Variants in LCORL observed in about 807,000 individuals in gnomAD.
The protein encoded by LCORL is ligand dependent nuclear receptor corepressor like.
In LCORL, 41 loss-of-function variants were observed where a neutral mutation model predicts 141.8. The observed-to-expected ratio is 0.29, with a 90% CI of 0.23 to 0.38. The LOEUF (loss-of-function observed/expected upper bound fraction) is 0.38, where lower values mean the gene tolerates loss of function less well. Among genes scored for constraint, LCORL ranks in the 10% least tolerant of loss-of-function variants. The probability of loss-of-function intolerance (pLI) is 1.00; values close to 1 mark genes in which losing one functional copy is unlikely to be tolerated. For synonymous variants in LCORL, 618 were observed against 694.1 expected (o/e 0.89, Z 1.72); for missense variants, 1,759 against 2,035.0 (o/e 0.86, Z 2.61).
chr4:17,897,619 A>T (rs1315902826), intron 5 of LCORL, among the ~76,000 whole-genome samples: 1 of 152,074 alleles, frequency 6.6e-6, no homozygotes, highest in Non-Finnish European at 1.5e-5. Context: ...ACTCTGGGGG[A>T]CACTTTCAGT....
intron 1 of LCORL, among the ~76,000 whole-genome samples, chr4:18,015,847 G>A (rs567757021): frequency 6.6e-5 from 10 of 150,664 alleles, no homozygotes; most frequent in Admixed American, 1.3e-4. Context: ...GCAACTTCAA[G>A]ATGATCTAGT....
intron 4 of LCORL, among the ~76,000 whole-genome samples, chr4:17,948,942 G>C (rs924533725): frequency 1.3e-5 from 2 of 151,912 alleles, no homozygotes; most frequent in East Asian, 3.9e-4. Context: ...AATACTGTAG[G>C]GTCTAAGCAG....
rs1300868828 is a variant in LCORL, at chr4:18,021,668, C to T, written c.84G>A (p.Arg28=). ...GGAATCCTCTTCTCTCCGCCGCGCA[C>T]CGAGGGCTCCGGCACTGAGCGGCGG... Residue 28 remains arginine (R), a synonymous_variant, in exon 1 of 8, where the codon CGG becomes CGA. Transcript: ENST00000635767. This position sits in a 1 kb window ranked among gnomAD's most constrained non-coding sequence, Gnocchi z 5.5. The T allele has an allele frequency of 1.7e-5, 26 of 1,545,326 alleles. No individual in the cohort carries two copies. The Admixed American group carries it at 4.7e-4, about 28-fold the overall frequency.
At chr4:17,957,309 T>C (rs1330234475) in intron 4 of LCORL, among the ~76,000 whole-genome samples, 1 of 152,020 alleles carries the variant, frequency 6.6e-6, no homozygotes, top group Non-Finnish European at 1.5e-5. Flanking sequence ...AGTTGCCTCC[T>C]TATGTTACAT....
At chr4:17,845,755 A>G in exon 8 of LCORL, 1 of 1,612,616 alleles carries the variant, frequency 6.2e-7, no homozygotes, top group Non-Finnish European at 8.5e-7. Flanking sequence ...TTGGTTATGA[A>G]CTGTACAGCT....
intron 1 of LCORL, among the ~76,000 whole-genome samples, chr4:18,003,150 C>T (rs1226810008): frequency 2.6e-5 from 4 of 152,056 alleles, no homozygotes; most frequent in East Asian, 3.8e-4. Flanking sequence ...GTGCTTTTGT[C>T]GTTGGTGCAG....
intron 1 of LCORL, among the ~76,000 whole-genome samples, chr4:17,991,225 T>C (rs1057100535): frequency 6.6e-6 from 1 of 152,234 alleles, no homozygotes; most frequent in African/African-American, 2.4e-5. Flanking sequence ...GTTTCAATTC[T>C]TCCCAAATAC....
intron 1 of LCORL, among the ~76,000 whole-genome samples, chr4:17,980,512 A>G (rs770184254): frequency 7.2e-5 from 11 of 152,218 alleles, no homozygotes; most frequent in Non-Finnish European, 1.5e-4. Context: ...GAAAACACAA[A>G]TACGTGGTAC....
chr4:17,892,197 ATTTTTTTTTTTCTTTTTT>A, intron 5 of LCORL, among the ~76,000 whole-genome samples: 1 of 119,720 alleles, frequency 8.4e-6, no homozygotes, highest in East Asian at 2.4e-4. Flanking sequence ...GTCAAATAGT[ATTTTTTTTTTTCTTTTTT>A]TTTTTTTTTT....
intron 4 of LCORL, among the ~76,000 whole-genome samples, chr4:17,927,109 C>G (rs955911949): frequency 6.6e-6 from 1 of 152,212 alleles, no homozygotes; most frequent in Non-Finnish European, 1.5e-5. Flanking sequence ...TTCTGGATAG[C>G]CTGCTGCAGC....
chr4:17,852,282 AG>A (rs1723828424), intron 7 of LCORL, among the ~76,000 whole-genome samples: 1 of 152,072 alleles, frequency 6.6e-6, no homozygotes, highest in South Asian at 2.1e-4. Context: ...GGTACTCTTG[AG>A]AGTAGAGTTG....
intron 7 of LCORL, among the ~76,000 whole-genome samples, chr4:17,858,293 T>C (rs1724590176): frequency 6.8e-6 from 1 of 147,828 alleles, no homozygotes; most frequent in Non-Finnish European, 1.5e-5. Context: ...AACACAGAAA[T>C]AGTAATATGC....
intron 4 of LCORL, chr4:17,960,146 G>A (rs1713489054): frequency 6.5e-6 from 1 of 154,024 alleles, no homozygotes; most frequent in Non-Finnish European, 1.5e-5. Context: ...AATTAACAAA[G>A]GCCTAAAATA....
At position 17,922,973 on chromosome 4, in the gene LCORL, C is replaced by A. The variant is rs141312490; in HGVS notation, c.431-13628G>T. ...GCCTGAGGCAAAAGTGATGGCCCCC[C>A]CAAGGCAGCTTCCAGGAAAGACAGT... On this transcript the variant is annotated intron_variant, in intron 4 of 7. Coordinates refer to ENST00000635767, the Ensembl canonical transcript of LCORL. Among the ~76,000 whole-genome samples the A allele has an allele frequency of 2.9e-3, 448 of 152,280 alleles. 3 individuals carry two copies. The highest frequency in any genetic ancestry group is 0.01 in the African/African-American group (426 of 41,570).
chr4:17,972,067 A>C (rs1716060718), intron 2 of LCORL, among the ~76,000 whole-genome samples: 1 of 151,926 alleles, frequency 6.6e-6, no homozygotes, highest in East Asian at 1.9e-4. Flanking sequence ...ATAGCAAAAA[A>C]GGCTCTATTT....
At chr4:17,940,174 A>G (rs1451098399) in intron 4 of LCORL, among the ~76,000 whole-genome samples, 12 of 31,134 alleles carry the variant, frequency 3.9e-4, no homozygotes, top group East Asian at 9.2e-4. Context: ...GTATACATGT[A>G]TATATATATA....
chr4:17,939,944 T>G (rs1737569427), intron 4 of LCORL, among the ~76,000 whole-genome samples: 1 of 150,152 alleles, frequency 6.7e-6, no homozygotes, highest in African/African-American at 2.5e-5. Context: ...GTACTATATA[T>G]TCATATACTA....
chr4:17,887,776 A>G (rs1208444979), intron 5 of LCORL, among the ~76,000 whole-genome samples: 11 of 152,150 alleles, frequency 7.2e-5, no homozygotes, highest in Non-Finnish European at 2.9e-5. Context: ...CTATGGGAGA[A>G]TGGACCGCAA....
chr4:17,992,046 C>T (rs1313130564), intron 1 of LCORL, among the ~76,000 whole-genome samples: 1 of 152,110 alleles, frequency 6.6e-6, no homozygotes. Context: ...CGTACCATAA[C>T]GTTTTTGATA....
Sources: gnomAD v4.1 joint callset for allele counts (sites outside exome capture counted in the v4.1 genomes callset) on GRCh38, gnomAD v4.1.1 for gene constraint, Gnocchi (gnomAD v3.1) non-coding constraint, MANE v1.5 for transcripts, NCBI Gene and HGNC (gene_info 2026-07-23, HGNC 2026-07-21) for gene names.